The following TBC1D19 variants were observed in gnomAD, a reference collection of about 807,000 sequenced individuals.
TBC1D19 encodes TBC1 domain family member 19.
TBC1D19 carries 60 observed loss-of-function variants against 89.0 expected under a neutral mutation model. The ratio of observed to expected loss-of-function variants is 0.67; its 90% confidence interval spans 0.55 to 0.84. The LOEUF is 0.84. Ranked by LOEUF, TBC1D19 falls within the 40% of genes least tolerant of loss-of-function variation. TBC1D19 has a pLI of 0.00. For synonymous variants in TBC1D19, 189 were observed against 199.7 expected, an observed-to-expected ratio of 0.95 and a Z score of 0.45; for missense variants, 500 against 610.8, an observed-to-expected ratio of 0.82 and a Z score of 1.91.
At chr4:26,754,018 T>G in intron 20 of TBC1D19, 128 bp downstream of exon 20, 1 of 876,606 alleles carries the variant, frequency 1.1e-6, no homozygotes, top group South Asian at 1.5e-5. Context: ...GTAAAACCTG[T>G]TAAGTTCTGA....
chr4:26,676,657 T>A lies in TBC1D19; in HGVS notation c.816+2769T>A, dbSNP rs1262848140. Reference sequence around the variant, plus strand: ...TGTCGTGAACCCGGGAGGCAGAGCTTGCAGTGAGCAGAGATCGCGCCACTG... The same window carrying A: ...TGTCGTGAACCCGGGAGGCAGAGCTAGCAGTGAGCAGAGATCGCGCCACTG... On this transcript the variant is annotated intron_variant, in intron 11 of 20. Coordinates refer to ENST00000264866, the MANE Select transcript of TBC1D19 (RefSeq NM_018317.4). 2.0e-5 allele frequency among the ~76,000 whole-genome samples: 3 copies of A among 150,210 alleles called. No homozygotes were observed. The East Asian group carries it at 5.9e-4, about 29-fold the overall frequency.
the TBC1D19 span, among the ~76,000 whole-genome samples, chr4:26,843,284 A>T: frequency 1.3e-5 from 2 of 152,312 alleles, no homozygotes; most frequent in South Asian, 2.1e-4. Context: ...TCAATGTCAC[A>T]TCCAAGTAAA....
chr4:26,725,424 C>T (rs1717248695), intron 15 of TBC1D19, among the ~76,000 whole-genome samples: 1 of 151,644 alleles, frequency 6.6e-6, no homozygotes, highest in South Asian at 2.1e-4. Context: ...CTTTTTTTCT[C>T]CCCCCAAGAC....
the TBC1D19 span, among the ~76,000 whole-genome samples, chr4:26,783,800 T>C: frequency 6.6e-6 from 1 of 152,194 alleles, no homozygotes; most frequent in East Asian, 1.9e-4. Context: ...TGGAGAAACA[T>C]GTGCTGCTCA....
At chr4:26,653,078 C>G (rs1412701840) in intron 7 of TBC1D19, among the ~76,000 whole-genome samples, 5 of 152,108 alleles carry the variant, frequency 3.3e-5, no homozygotes, top group Admixed American at 6.5e-5. Flanking sequence ...CCTTTTTTCT[C>G]ATTGGTTTCA....
chr4:26,643,599 A>G (rs1238687287), intron 7 of TBC1D19, among the ~76,000 whole-genome samples: 1 of 152,210 alleles, frequency 6.6e-6, no homozygotes, highest in African/African-American at 2.4e-5. Context: ...AAGGAGATAG[A>G]AACACAAAAA....
At chr4:26,807,823 A>G in the TBC1D19 span, among the ~76,000 whole-genome samples, 1 of 152,264 alleles carries the variant, frequency 6.6e-6, no homozygotes, top group Admixed American at 6.5e-5. Context: ...TAATCATTAC[A>G]GTTGATCTTA....
At chr4:26,749,952 G>T (rs1718859938) in intron 19 of TBC1D19, among the ~76,000 whole-genome samples, 1 of 152,066 alleles carries the variant, frequency 6.6e-6, no homozygotes, top group Admixed American at 6.6e-5. Context: ...TGGCTGAATG[G>T]CAGTAACATA....
In TBC1D19 at chr4:26,660,254, C is replaced by T. The variant is rs140599658; in HGVS notation, c.591+547C>T. Among the ~76,000 whole-genome samples the T allele has an allele frequency of 3.0e-3, 455 of 152,144 alleles. 4 individuals carry two copies. The highest frequency in any genetic ancestry group is 0.011 in the African/African-American group (441 of 41,506). On this transcript the variant is annotated intron_variant, in intron 8 of 20. Transcript: ENST00000264866. ...ATTATCACTCCTTCTTTCAAAGTCA[C>T]CCTAAAACAATAAGGAGCGTAGAAA...
At chr4:26,634,469 T>TA (rs2110067024) in intron 4 of TBC1D19, among the ~76,000 whole-genome samples, 1 of 152,206 alleles carries the variant, frequency 6.6e-6, no homozygotes, top group Admixed American at 6.5e-5. Flanking sequence ...TTCAAGCAGA[T>TA]ACTCACAGCA....
intron 11 of TBC1D19, among the ~76,000 whole-genome samples, chr4:26,680,061 T>C (rs1418161817): frequency 6.6e-6 from 1 of 152,192 alleles, no homozygotes; most frequent in Non-Finnish European, 1.5e-5. Context: ...GATGGTTTTA[T>C]AAGGGGCTTC....
At chr4:26,740,020 T>C (rs748587472) in intron 17 of TBC1D19, 47 bp downstream of exon 17, 25 of 1,255,884 alleles carry the variant, frequency 2.0e-5, no homozygotes, top group Middle Eastern at 3.9e-4. Flanking sequence ...GATTGTAATC[T>C]ATTCTTTCTT....
chr4:26,791,125 C>T, the TBC1D19 span, among the ~76,000 whole-genome samples: 1 of 152,138 alleles, frequency 6.6e-6, no homozygotes, highest in Non-Finnish European at 1.5e-5. Context: ...CCCAGAACAA[C>T]TGCTCTAAAA....
chr4:26,579,559 G>C (rs1026630795), upstream of TBC1D19, among the ~76,000 whole-genome samples: 2 of 151,468 alleles, frequency 1.3e-5, no homozygotes, highest in Non-Finnish European at 2.9e-5. Flanking sequence ...TTGTTGCATA[G>C]GTATACATGT....
At chr4:26,595,637 T>A (rs1157505889) in intron 1 of TBC1D19, among the ~76,000 whole-genome samples, 2 of 151,822 alleles carry the variant, frequency 1.3e-5, no homozygotes, top group Admixed American at 1.3e-4. Context: ...GTCCCCCCAC[T>A]CCCACCACCC....
the TBC1D19 span, among the ~76,000 whole-genome samples, chr4:26,840,749 T>C: frequency 6.6e-6 from 1 of 152,236 alleles, no homozygotes; most frequent in African/African-American, 2.4e-5. Flanking sequence ...GCAGCTGCTA[T>C]CTTGAAATTC....
the TBC1D19 span, among the ~76,000 whole-genome samples, chr4:26,855,313 C>T: frequency 6.6e-6 from 1 of 152,154 alleles, no homozygotes; most frequent in African/African-American, 2.4e-5. Context: ...GTAGATTGTT[C>T]GTGTATTCTT....
At position 26,739,379 on chromosome 4, in the gene TBC1D19, G is replaced by T. The variant is rs548186820; in HGVS notation, c.1118-485G>T. On this transcript the variant is annotated intron_variant, in intron 16 of 20. Transcript: ENST00000264866. ...TACTCAAAATCTTTATTTTCAAATT[G>T]AATTAATTGAAGACCATGATTCTAA... Among the ~76,000 whole-genome samples, 23 of 152,160 alleles carry T rather than the reference G, an allele frequency of 1.5e-4. No homozygotes were observed. The South Asian group carries it at 4.4e-3, about 29-fold the overall frequency.
At chr4:26,731,726 C>T (rs763776407) in intron 15 of TBC1D19, among the ~76,000 whole-genome samples, 1 of 152,108 alleles carries the variant, frequency 6.6e-6, no homozygotes, top group Non-Finnish European at 1.5e-5. Flanking sequence ...GCAAAAGTTT[C>T]TGTGGGACAA....
Sources: gnomAD v4.1 joint callset for allele counts (sites outside exome capture counted in the v4.1 genomes callset) on GRCh38, gnomAD v4.1.1 for gene constraint, MANE v1.5 for transcripts, NCBI Gene and HGNC (gene_info 2026-07-23, HGNC 2026-07-21) for gene names.